OTUD7A: variants seen among roughly 807,000 people sequenced by gnomAD.
OTUD7A encodes the protein OTU deubiquitinase 7A.
A neutral mutation model predicts 65.7 loss-of-function variants in OTUD7A; 12 were observed. The ratio of observed to expected loss-of-function variants is 0.18; its 90% CI spans 0.12 to 0.30. The LOEUF (loss-of-function observed/expected upper bound fraction) is 0.30. Ranked by LOEUF, OTUD7A falls within the 10% of genes least tolerant of loss-of-function variation. The pLI is 1.00. For missense variants in OTUD7A, 1,148 were observed against 1,304.8 expected (o/e 0.88, Z 1.85); for synonymous variants, 641 against 586.3 (o/e 1.09, Z -1.35).
At chr15:31,757,711 A>G (rs938391451) in intron 1 of OTUD7A, among the ~76,000 whole-genome samples, 1 of 152,242 alleles carries the variant, frequency 6.6e-6, no homozygotes. Flanking sequence ...ATTACATTTC[A>G]AAGTGTAATT....
intron 1 of OTUD7A, among the ~76,000 whole-genome samples, chr15:31,752,390 G>C (rs1894661820): frequency 6.6e-6 from 1 of 152,106 alleles, no homozygotes; most frequent in African/African-American, 2.4e-5. Flanking sequence ...AATAATTGTA[G>C]GATATTCTTT....
chr15:31,713,569 A>T (rs772356309), intron 1 of OTUD7A, among the ~76,000 whole-genome samples: 10 of 152,146 alleles, frequency 6.6e-5, no homozygotes, highest in Non-Finnish European at 7.4e-5. Flanking sequence ...CAATGAGCTG[A>T]GATCGTGCCA....
At chr15:31,860,068 T>C (rs1192727142) in intron 1 of OTUD7A, among the ~76,000 whole-genome samples, 1 of 152,222 alleles carries the variant, frequency 6.6e-6, no homozygotes, top group African/African-American at 2.4e-5. Context: ...AAATATGACA[T>C]ATCCATGTGA....
intron 1 of OTUD7A, among the ~76,000 whole-genome samples, chr15:31,775,447 T>C (rs1895351722): frequency 6.6e-6 from 1 of 152,236 alleles, no homozygotes; most frequent in Non-Finnish European, 1.5e-5. Flanking sequence ...CAATAGGTTA[T>C]GAGTCTGTAA....
At chr15:31,503,945 G>A in intron 8 of OTUD7A, 127 bp from the exon 9 acceptor site, 1 of 1,161,952 alleles carries the variant, frequency 8.6e-7, no homozygotes. Flanking sequence ...GACCCCGGCA[G>A]CTGCGCCATC....
intron 4 of OTUD7A, among the ~76,000 whole-genome samples, chr15:31,565,110 T>C (rs1888824219): frequency 6.6e-6 from 1 of 152,234 alleles, no homozygotes; most frequent in Non-Finnish European, 1.5e-5. Flanking sequence ...AACTCAATTA[T>C]GGCTTTTCTA....
At chr15:31,718,465 T>C (rs1003881622) in intron 1 of OTUD7A, among the ~76,000 whole-genome samples, 1 of 151,974 alleles carries the variant, frequency 6.6e-6, no homozygotes, top group African/African-American at 2.4e-5. Flanking sequence ...TACAAACATA[T>C]GCATTTTTCT....
intron 1 of OTUD7A, among the ~76,000 whole-genome samples, chr15:31,794,229 C>A (rs531624804): frequency 1.3e-5 from 2 of 152,318 alleles, no homozygotes; most frequent in South Asian, 4.1e-4. Context: ...ATATCTGTCT[C>A]TAAGCTCCCT....
intron 3 of OTUD7A, among the ~76,000 whole-genome samples, chr15:31,590,542 A>G (rs540673603): frequency 6.6e-6 from 1 of 152,340 alleles, no homozygotes; most frequent in Non-Finnish European, 1.5e-5. Flanking sequence ...CATACATAGC[A>G]GGCATTAATT....
At chr15:31,508,114 C>T (rs565468550) in intron 8 of OTUD7A, among the ~76,000 whole-genome samples, 3 of 65,076 alleles carry the variant, frequency 4.6e-5, no homozygotes, top group African/African-American at 1.9e-4. Context: ...AACAAGGGAG[C>T]TATAACAGAA....
At chr15:31,557,668 A>T (rs1228888446) in intron 5 of OTUD7A, 1 of 151,838 alleles carries the variant, frequency 6.6e-6, no homozygotes, top group Non-Finnish European at 1.5e-5. Context: ...AATCCTGCCC[A>T]CTCCTTGGAA....
At chr15:31,750,729 A>G (rs914375075) in intron 1 of OTUD7A, among the ~76,000 whole-genome samples, 1 of 152,012 alleles carries the variant, frequency 6.6e-6, no homozygotes, top group African/African-American at 2.4e-5. Flanking sequence ...TAATCTTCCC[A>G]CCCTTTAATA....
At chr15:31,837,372 C>CAAAAAAAA (rs57479397) in intron 1 of OTUD7A, among the ~76,000 whole-genome samples, 281 of 120,142 alleles carry the variant, frequency 2.3e-3, no homozygotes, top group Non-Finnish European at 3.6e-3. Flanking sequence ...ACTAAAAATA[C>CAAAAAAAA]AAAAAAAAAA....
At position 31,719,918 on chromosome 15, in the gene OTUD7A, C is replaced by T. The variant is rs370849624; in HGVS notation, c.-99-62841G>A. On this transcript the variant is annotated intron_variant, in intron 1 of 12. Coordinates refer to ENST00000307050, the MANE Select transcript of OTUD7A (RefSeq NM_001382637.1). ...CCATACACACTCCAGCCTCAGGCCT[C>T]GACCATCCTCCCCGTCTGGGGATAG... Among the ~76,000 whole-genome samples the T allele has an allele frequency of 3.7e-4, 57 of 152,202 alleles. No homozygotes were observed. The South Asian group carries it at 9.3e-3, about 25-fold the overall frequency.
intron 1 of OTUD7A, among the ~76,000 whole-genome samples, chr15:31,728,897 T>C (rs1411827704): frequency 6.6e-6 from 1 of 152,216 alleles, no homozygotes; most frequent in African/African-American, 2.4e-5. Context: ...TGATGCCCAG[T>C]GCAGAGATAC....
At chr15:31,774,883 G>A (rs144474620) in intron 1 of OTUD7A, among the ~76,000 whole-genome samples, 207 of 150,904 alleles carry the variant, frequency 1.4e-3, no homozygotes, top group Non-Finnish European at 1.7e-3. Context: ...GGATTGTGAC[G>A]TTGTCCTGGC....
intron 1 of OTUD7A, among the ~76,000 whole-genome samples, chr15:31,660,942 T>C (rs1327199559): frequency 6.6e-6 from 1 of 152,188 alleles, no homozygotes; most frequent in African/African-American, 2.4e-5. Context: ...AGAAGGCACA[T>C]GTGTGGGCTT....
chr15:31,555,147 C>T (rs916488136), intron 5 of OTUD7A, among the ~76,000 whole-genome samples: 2 of 152,132 alleles, frequency 1.3e-5, no homozygotes, highest in African/African-American at 4.8e-5. Context: ...CCAGGATGGA[C>T]AGCTGGATGG....
intron 4 of OTUD7A, among the ~76,000 whole-genome samples, chr15:31,568,137 A>G (rs147876486): frequency 6.6e-6 from 1 of 152,358 alleles, no homozygotes; most frequent in African/African-American, 2.4e-5. Context: ...CCAGAATGGT[A>G]GATCTACCAG....
Sources: gnomAD v4.1 joint callset for allele counts (sites outside exome capture counted in the v4.1 genomes callset) on GRCh38, gnomAD v4.1.1 for gene constraint, MANE v1.5 for transcripts, NCBI Gene and HGNC (gene_info 2026-07-23, HGNC 2026-07-21) for gene names.